The following CNTN5 variants were observed in gnomAD, a reference collection of about 807,000 sequenced individuals.
CNTN5 encodes contactin-5.
In CNTN5, 77 loss-of-function variants were observed where a neutral mutation model predicts 129.1. That is an observed-to-expected ratio of 0.60 (90% CI 0.50 to 0.72). The LOEUF is 0.72. Ranked by LOEUF, CNTN5 falls within the 30% of genes least tolerant of loss-of-function variation. The probability of loss-of-function intolerance (pLI) is 0.00; values close to 1 mark genes in which losing one functional copy is unlikely to be tolerated. For missense variants in CNTN5, 1,478 were observed against 1,328.8 expected, an observed-to-expected ratio of 1.11 and a Z score of -1.75; for synonymous variants, 509 against 465.6, an observed-to-expected ratio of 1.09 and a Z score of -1.20.
chr11:99,805,530 A>G (rs1327874853), intron 3 of CNTN5, among the ~76,000 whole-genome samples: 1 of 152,216 alleles, frequency 6.6e-6, no homozygotes, highest in Non-Finnish European at 1.5e-5. Flanking sequence ...GCAGCTGTAG[A>G]CACAGCCTTG....
intron 3 of CNTN5, among the ~76,000 whole-genome samples, chr11:99,803,655 G>C (rs904693212): frequency 2.6e-5 from 4 of 152,152 alleles, no homozygotes; most frequent in Non-Finnish European, 5.9e-5. Context: ...CCGTAAATTA[G>C]CTCTCTAAGT....
At chr11:99,220,957 C>G (rs1591376267) in intron 1 of CNTN5, among the ~76,000 whole-genome samples, 1 of 96,750 alleles carries the variant, frequency 1.0e-5, no homozygotes, top group East Asian at 2.6e-4. Context: ...TCTGGAATTG[C>G]CCCACTTGTC....
intron 1 of CNTN5, among the ~76,000 whole-genome samples, chr11:99,134,404 TA>T (rs559376966): frequency 1.1e-3 from 160 of 152,210 alleles, no homozygotes; most frequent in African/African-American, 3.5e-3. Context: ...CCCTGGAACA[TA>T]AAAAAATAAG....
chr11:99,984,749 T>A (rs1397358493), intron 8 of CNTN5, among the ~76,000 whole-genome samples: 1 of 152,234 alleles, frequency 6.6e-6, no homozygotes, highest in Non-Finnish European at 1.5e-5. Flanking sequence ...CAAGCACTCC[T>A]ATTACATGGA....
intron 15 of CNTN5, among the ~76,000 whole-genome samples, chr11:100,201,779 G>A (rs1011389916): frequency 4.6e-5 from 7 of 151,924 alleles, no homozygotes; most frequent in Non-Finnish European, 8.8e-5. Context: ...CTCCCTTCAA[G>A]ACTGAACCAC....
chr11:99,909,646 T>A (rs753214652), intron 6 of CNTN5, among the ~76,000 whole-genome samples: 5 of 152,042 alleles, frequency 3.3e-5, no homozygotes, highest in African/African-American at 1.2e-4. Context: ...AAAGTATGAG[T>A]TCATGTCCTT....
chr11:99,812,801 G>A (rs1267598665), intron 3 of CNTN5, among the ~76,000 whole-genome samples: 3 of 152,096 alleles, frequency 2.0e-5, no homozygotes, highest in East Asian at 1.9e-4. Context: ...GTAGCCAAGC[G>A]TGGAGCTTTT....
intron 7 of CNTN5, among the ~76,000 whole-genome samples, chr11:99,920,179 T>G (rs1949901818): frequency 6.6e-6 from 1 of 152,148 alleles, no homozygotes; most frequent in Non-Finnish European, 1.5e-5. Flanking sequence ...TATTTCTTTC[T>G]CCATAAAACA....
At chr11:99,822,276 A>G (rs1285439114) in intron 4 of CNTN5, among the ~76,000 whole-genome samples, 2 of 152,184 alleles carry the variant, frequency 1.3e-5, no homozygotes, top group Non-Finnish European at 2.9e-5. Flanking sequence ...ACTTGGAGAA[A>G]CCTTCCCATA....
intron 3 of CNTN5, among the ~76,000 whole-genome samples, chr11:99,683,612 G>A (rs561625989): frequency 6.6e-6 from 1 of 151,752 alleles, no homozygotes; most frequent in African/African-American, 2.4e-5. Context: ...TGCCTGATCT[G>A]GGTAATTTGC....
intron 1 of CNTN5, among the ~76,000 whole-genome samples, chr11:99,025,939 A>T (rs945942646): frequency 1.3e-5 from 2 of 151,722 alleles, no homozygotes; most frequent in East Asian, 3.9e-4. Flanking sequence ...TAATTCACCT[A>T]GGTTCTCCCA....
chr11:100,248,560 G>C (rs866640356), intron 16 of CNTN5, among the ~76,000 whole-genome samples: 9 of 151,290 alleles, frequency 5.9e-5, no homozygotes, highest in Non-Finnish European at 8.9e-5. Flanking sequence ...AAAAGAAAAA[G>C]AAAAACAAAA....
At chr11:99,816,827 C>T (rs768598988) in intron 3 of CNTN5, among the ~76,000 whole-genome samples, 1 of 152,106 alleles carries the variant, frequency 6.6e-6, no homozygotes, top group Non-Finnish European at 1.5e-5. Flanking sequence ...CCTCATAATA[C>T]CCTGCGCTCC....
At chr11:99,913,083 G>C (rs1337611389) in intron 6 of CNTN5, among the ~76,000 whole-genome samples, 1 of 151,832 alleles carries the variant, frequency 6.6e-6, no homozygotes, top group Non-Finnish European at 1.5e-5. Flanking sequence ...TACATGTAAC[G>C]TGTCATCTAT....
intron 13 of CNTN5, among the ~76,000 whole-genome samples, chr11:100,146,579 A>T (rs1048617510): frequency 1.3e-5 from 2 of 152,278 alleles, no homozygotes; most frequent in South Asian, 4.1e-4. Context: ...AAATGAAATA[A>T]GTATTATGTC....
chr11:99,779,439 A>G lies in CNTN5; in HGVS notation c.56-40105A>G, dbSNP rs1003418552. Among the ~76,000 whole-genome samples, 13 of 152,024 alleles carry G rather than the reference A, an allele frequency of 8.6e-5. No individual in the cohort carries two copies. In the South Asian group the frequency reaches 1.5e-3, roughly 17 times the overall value. On this transcript the variant is annotated intron_variant, in intron 3 of 24. Coordinates refer to ENST00000524871, the MANE Select transcript of CNTN5 (RefSeq NM_014361.4). ...ACTTGTAGAGCCAAATAGACTGACA[A>G]TCATTCTTTGATTACATTTACTTAG...
chr11:99,365,539 A>T (rs1246625807), intron 2 of CNTN5, among the ~76,000 whole-genome samples: 1 of 152,202 alleles, frequency 6.6e-6, no homozygotes, highest in African/African-American at 2.4e-5. Context: ...ATGCTGAATG[A>T]TCTGGCCAAT....
chr11:99,106,685 T>C (rs1487294294), intron 1 of CNTN5, among the ~76,000 whole-genome samples: 8 of 152,104 alleles, frequency 5.3e-5, no homozygotes, highest in Non-Finnish European at 8.8e-5. Context: ...GTAATTTTCT[T>C]ATCTTTAAGT....
At chr11:99,970,520 C>T (rs535386708) in intron 8 of CNTN5, among the ~76,000 whole-genome samples, 2 of 152,250 alleles carry the variant, frequency 1.3e-5, no homozygotes, top group East Asian at 1.9e-4. Context: ...AATATTGGTA[C>T]TTATCTGATA....
Sources: allele counts gnomAD v4.1 joint callset (sites outside exome capture counted in the v4.1 genomes callset), GRCh38; gene constraint gnomAD v4.1.1; transcripts MANE v1.5; gene names NCBI Gene and HGNC (gene_info 2026-07-23, HGNC 2026-07-21).